GABBR2: variants seen among roughly 807,000 people sequenced by gnomAD.
GABBR2 encodes G-protein coupled receptor 51.
A neutral mutation model predicts 105.6 loss-of-function variants in GABBR2; 23 were observed. The ratio of observed to expected loss-of-function variants is 0.22; its 90% CI spans 0.16 to 0.31. The LOEUF (loss-of-function observed/expected upper bound fraction) is 0.31. GABBR2 is among the 10% of genes least tolerant of loss of function. The pLI, the probability that GABBR2 is intolerant of heterozygous loss-of-function variation, is 1.00. For synonymous variants in GABBR2, 478 were observed against 499.7 expected (o/e 0.96, Z 0.58); for missense variants, 734 against 1,245.5 (o/e 0.59, Z 6.18).
At position 98,388,990 on chromosome 9, in the gene GABBR2, T is replaced by C; in HGVS notation, c.1393A>G (p.Lys465Glu). ...TIRFQGSEPP[K>E]DKTIILEQLR... ...TGCTCCAGGATGATGGTCTTGTCTT[T>C]TGGTGGTTCGGATCCTAGAGGATCA... is the stretch of plus-strand genomic sequence containing the variant. Residue 465 changes from lysine (K) to glutamate (E), a missense_variant, in exon 10 of 19, where the codon AAA becomes GAA. By Grantham distance (56) the Lys-to-Glu change is moderately conservative. Around this residue, in one of 7 missense-constraint regions of GABBR2, gnomAD observed 370 missense variants for 648.9 expected, o/e 0.57. Transcript: ENST00000259455. This position sits in a 1 kb window ranked among gnomAD's most constrained non-coding sequence, Gnocchi z 4.4. 1 of 1,613,222 alleles carries C rather than the reference T, an allele frequency of 6.2e-7. No individual in the cohort carries two copies. Among genetic ancestry groups the C allele is most frequent in the Non-Finnish European group, 8.5e-7 (1 of 1,179,550 alleles).
At chr9:98,517,802 C>T (rs1045557318) in intron 3 of GABBR2, among the ~76,000 whole-genome samples, 1 of 152,134 alleles carries the variant, frequency 6.6e-6, no homozygotes, top group Non-Finnish European at 1.5e-5. Context: ...AATGGGAGCC[C>T]GGCAGGAGTC....
intron 2 of GABBR2, among the ~76,000 whole-genome samples, chr9:98,572,813 C>G (rs1828851212): frequency 6.6e-6 from 1 of 152,186 alleles, no homozygotes; most frequent in Non-Finnish European, 1.5e-5. Flanking sequence ...TTCTGCCTCC[C>G]AGGTCCTCAG....
chr9:98,344,393 C>G (rs2131412371), intron 13 of GABBR2, among the ~76,000 whole-genome samples: 1 of 152,288 alleles, frequency 6.6e-6, no homozygotes, highest in Admixed American at 6.5e-5. Flanking sequence ...GCAGGTTTAT[C>G]TACACCTGCT....
intron 3 of GABBR2, among the ~76,000 whole-genome samples, chr9:98,500,643 A>G (rs1827379835): frequency 6.6e-6 from 1 of 152,236 alleles, no homozygotes; most frequent in Non-Finnish European, 1.5e-5. Context: ...CATGGAGAGA[A>G]TGGATGGGTC....
At position 98,547,262 on chromosome 9, in the gene GABBR2, TAATA is replaced by T. The variant is rs1187250898; in HGVS notation, c.460-5223_460-5220del. On this transcript the variant is annotated intron_variant, in intron 2 of 18. Coordinates refer to ENST00000259455, the MANE Select transcript of GABBR2 (RefSeq NM_005458.8). Reference sequence around the variant, plus strand: ...ATTTCCAACTCAGTAAAAAAAAACCTAATATATATATATAAAATGACTATGCTAT... The same window carrying T: ...ATTTCCAACTCAGTAAAAAAAAACCTTATATATATAAAATGACTATGCTAT... Among the ~76,000 whole-genome samples the T allele has an allele frequency of 7.7e-5, 9 of 117,290 alleles. 3 individuals carry two copies. The highest frequency in any genetic ancestry group is 1.7e-4 in the Non-Finnish European group (9 of 53,076). The allele number at this position is 117,290 out of a possible 152,430, so 76.9% of individuals were successfully genotyped here. A position where few individuals can be genotyped will look rare whatever the true frequency, so the allele number is the denominator to read the frequency against.
chr9:98,501,759 C>T (rs1827404777), intron 3 of GABBR2, among the ~76,000 whole-genome samples: 1 of 152,138 alleles, frequency 6.6e-6, no homozygotes, highest in Non-Finnish European at 1.5e-5. Flanking sequence ...AAGCAAACAG[C>T]CAAATGCAAG....
intron 7 of GABBR2, among the ~76,000 whole-genome samples, chr9:98,440,992 T>G (rs577993771): frequency 2.0e-5 from 3 of 152,354 alleles, no homozygotes; most frequent in African/African-American, 7.2e-5. Flanking sequence ...GTTTTTCATA[T>G]AGGATCTGGA....
chr9:98,499,301 C>T (rs1388602835), intron 3 of GABBR2, among the ~76,000 whole-genome samples: 1 of 152,178 alleles, frequency 6.6e-6, no homozygotes, highest in Non-Finnish European at 1.5e-5. Flanking sequence ...AACGAATAGA[C>T]AAAACACACC....
chr9:98,396,672 C>T (rs551207660), intron 8 of GABBR2, among the ~76,000 whole-genome samples: 1 of 152,318 alleles, frequency 6.6e-6, no homozygotes, highest in African/African-American at 2.4e-5. Flanking sequence ...CCAATCAGGT[C>T]CTGCTGCTCA....
intron 1 of GABBR2, among the ~76,000 whole-genome samples, chr9:98,675,760 G>A (rs560691360): frequency 4.6e-5 from 7 of 152,046 alleles, no homozygotes; most frequent in Admixed American, 1.3e-4. Context: ...CTGGATATCC[G>A]CCACCTTTTG....
In GABBR2 at chr9:98,634,855, C is replaced by T. The variant is rs187637375; in HGVS notation, c.322-56783G>A. Among the ~76,000 whole-genome samples, 15 of 152,298 alleles carry T rather than the reference C, an allele frequency of 9.8e-5. No individual in the cohort carries two copies. In the East Asian group the frequency reaches 2.5e-3, roughly 25 times the overall value. On this transcript the variant is annotated intron_variant, in intron 1 of 18. Coordinates refer to ENST00000259455, the MANE Select transcript of GABBR2 (RefSeq NM_005458.8). Reference sequence around the variant, plus strand: ...GACCCATGCCTCTCCCCCTCTGTCACGCCTCCTGCTCACACACCTCCAGTG... The same window carrying T: ...GACCCATGCCTCTCCCCCTCTGTCATGCCTCCTGCTCACACACCTCCAGTG...
Position 98,393,229 on chromosome 9 carries a change from A to G in GABBR2, c.1378+946T>C, listed in dbSNP as rs186404435. 4.1e-5 allele frequency among the ~76,000 whole-genome samples: 6 copies of G among 147,654 alleles called. No homozygotes were observed. In the East Asian group the frequency reaches 1.2e-3, roughly 30 times the overall value. ...AATTCATCTATCCATCTACCCAGCC[A>G]TCCATCTGTCCACCCATCTACCTGT... On this transcript the variant is annotated intron_variant, in intron 9 of 18. Coordinates refer to ENST00000259455, the MANE Select transcript of GABBR2 (RefSeq NM_005458.8).
intron 7 of GABBR2, among the ~76,000 whole-genome samples, chr9:98,413,471 C>T (rs1249181113): frequency 2.0e-5 from 3 of 151,918 alleles, no homozygotes; most frequent in Non-Finnish European, 2.9e-5. Context: ...TCTTTATGTC[C>T]CCTTGAGCTA....
At chr9:98,299,577 G>A (rs1206813917) in intron 16 of GABBR2, among the ~76,000 whole-genome samples, 1 of 152,208 alleles carries the variant, frequency 6.6e-6, no homozygotes, top group African/African-American at 2.4e-5. Flanking sequence ...TTGCAATTAT[G>A]TGTTCAGTGT....
At chr9:98,514,596 C>A (rs1338962291) in intron 3 of GABBR2, among the ~76,000 whole-genome samples, 1 of 133,884 alleles carries the variant, frequency 7.5e-6, no homozygotes, top group Non-Finnish European at 1.5e-5. Context: ...GGGAATTGAA[C>A]AATGAGAACA....
At chr9:98,498,835 C>T (rs192875124) in intron 3 of GABBR2, among the ~76,000 whole-genome samples, 152 of 152,332 alleles carry the variant, frequency 1.0e-3, no homozygotes, top group African/African-American at 3.3e-3. Flanking sequence ...TACAGGTGGG[C>T]CCCATGATGA....
intron 1 of GABBR2, among the ~76,000 whole-genome samples, chr9:98,631,313 T>C (rs917549599): frequency 3.3e-5 from 5 of 152,198 alleles, no homozygotes; most frequent in African/African-American, 1.2e-4. Context: ...AAAAGATAAC[T>C]AACCTTCCTA....
chr9:98,509,580 C>A (rs562766623), intron 3 of GABBR2, among the ~76,000 whole-genome samples: 11 of 152,234 alleles, frequency 7.2e-5, no homozygotes, highest in South Asian at 2.1e-4. Context: ...CTTAAAGGAC[C>A]TGATGGAGCT....
At position 98,635,034 on chromosome 9, in the gene GABBR2, C is replaced by G. The variant is rs74917070; in HGVS notation, c.322-56962G>C. Among the ~76,000 whole-genome samples, 3 of 152,314 alleles carry G rather than the reference C, an allele frequency of 2.0e-5. No homozygotes were observed. In the East Asian group the frequency reaches 5.8e-4, roughly 29 times the overall value. On this transcript the variant is annotated intron_variant, in intron 1 of 18. Coordinates refer to ENST00000259455, the MANE Select transcript of GABBR2 (RefSeq NM_005458.8). Reference sequence around the variant, plus strand: ...TGAGAGCTGGCCTGCTTTCAACAGCCCATCTCCTGCTAAATCTTCCTACAG... The same window carrying G: ...TGAGAGCTGGCCTGCTTTCAACAGCGCATCTCCTGCTAAATCTTCCTACAG...
Sources: gnomAD v4.1 joint callset for allele counts (sites outside exome capture counted in the v4.1 genomes callset) on GRCh38, gnomAD v4.1.1 for gene constraint, gnomAD v4.1.1 regional missense constraint, Gnocchi (gnomAD v3.1) non-coding constraint, MANE v1.5 for transcripts, NCBI Gene and HGNC (gene_info 2026-07-23, HGNC 2026-07-21) for gene names.